The following ARFGAP1 variants were observed in gnomAD, a reference collection of about 807,000 sequenced individuals.
ARFGAP1 encodes the protein ADP-ribosylation factor GTPase-activating protein 1.
ARFGAP1 carries 26 observed loss-of-function variants against 54.0 expected under a neutral mutation model. The observed-to-expected ratio is 0.48, with a 90% CI of 0.35 to 0.67. ARFGAP1 has a LOEUF of 0.67. Ranked by LOEUF, ARFGAP1 falls within the 30% of genes least tolerant of loss-of-function variation. The probability of loss-of-function intolerance (pLI) is 0.00; values close to 1 mark genes in which losing one functional copy is unlikely to be tolerated. For missense variants in ARFGAP1, 525 were observed against 535.8 expected (o/e 0.98, Z 0.20); for synonymous variants, 248 against 211.9 (o/e 1.17, Z -1.48).
Position 63,276,893 on chromosome 20 carries a change from A to T in ARFGAP1, c.342+242A>T, listed in dbSNP as rs1404981127. Among the ~76,000 whole-genome samples, 1 of 152,136 alleles carries T rather than the reference A, an allele frequency of 6.6e-6. No homozygotes were observed. Among genetic ancestry groups the T allele is most frequent in the Admixed American group, 6.5e-5 (1 of 15,286 alleles). Reference sequence around the variant, plus strand: ...GGGGAGAAAGCAGCTGTGACCGTTTATTGCCTCTGTGACATGTTGGGCACA... The same window carrying T: ...GGGGAGAAAGCAGCTGTGACCGTTTTTTGCCTCTGTGACATGTTGGGCACA... On this transcript the variant is annotated intron_variant, in intron 4 of 12. Coordinates refer to ENST00000370283, the MANE Select transcript of ARFGAP1 (RefSeq NM_018209.4). This position sits in a 1 kb window ranked among gnomAD's most constrained non-coding sequence, Gnocchi z 5.2.
At position 63,287,908 on chromosome 20, in the gene ARFGAP1, C is replaced by A; in HGVS notation, c.*35C>A. The A allele has an allele frequency of 6.8e-7, 1 of 1,470,218 alleles. No homozygotes were observed. The highest frequency in any genetic ancestry group is 9.0e-7 in the Non-Finnish European group (1 of 1,110,686). 91.1% of individuals were successfully genotyped at this position (1,470,218 alleles called of 1,614,324 possible). A position where few individuals can be genotyped will look rare whatever the true frequency, so the allele number is the denominator to read the frequency against. On this transcript the variant is annotated 3_prime_UTR_variant, in exon 13 of 13. Transcript: ENST00000370283. The stretch of plus-strand genomic sequence containing the variant: ...CGCCCCCGTCCCCAGCGCCCCCGGG[C>A]GACTTCGTGTTTGCACTCTGCCCTC...
chr20:63,288,602 G>A lies in ARFGAP1; in HGVS notation c.*729G>A. On this transcript the variant is annotated 3_prime_UTR_variant, in exon 13 of 13. Coordinates refer to ENST00000370283, the MANE Select transcript of ARFGAP1 (RefSeq NM_018209.4). Reference sequence around the variant, plus strand: ...CTGGAACACCCTGGAAGAAAAAGGAGCGCAGGGTGGGCCCTCGGCCCTGAT... The same window carrying A: ...CTGGAACACCCTGGAAGAAAAAGGAACGCAGGGTGGGCCCTCGGCCCTGAT... 4.5e-6 allele frequency: 2 copies of A among 441,274 alleles called. No homozygotes were observed. The highest frequency in any genetic ancestry group is 1.6e-5 in the South Asian group (1 of 63,736). 27.3% of individuals were successfully genotyped at this position (441,274 alleles called of 1,614,324 possible). A position where few individuals can be genotyped will look rare whatever the true frequency, so the allele number is the denominator to read the frequency against.
intron 7 of ARFGAP1, 167 bp downstream of exon 7, chr20:63,279,162 T>G: frequency 1.3e-6 from 1 of 745,030 alleles, no homozygotes; most frequent in Non-Finnish European, 2.3e-6. Context: ...AAAATGTGGC[T>G]TAAATTTTTC....
At chr20:63,272,958 G>GCCCCGGCTGCCGCGGCGTCGT (rs1568726594) in intron 1 of ARFGAP1, 38 bp downstream of exon 1, 2 of 152,090 alleles carry the variant, frequency 1.3e-5, no homozygotes, top group Admixed American at 1.3e-4. Context: ...TCGGCCTGAG[G>GCCCCGGCTGCCGCGGCGTCGT]CCCCGGCTGC....
Position 63,288,348 on chromosome 20 carries a change from T to C in ARFGAP1, c.*475T>C, listed in dbSNP as rs1735867082. On this transcript the variant is annotated 3_prime_UTR_variant, in exon 13 of 13. Transcript: ENST00000370283. ...AAGAGAGTGACTGGAGTGGTAAAGATGGAAATGCTGGAAATGATACTGGCG... is the reference window on the plus strand; with the variant it reads ...AAGAGAGTGACTGGAGTGGTAAAGACGGAAATGCTGGAAATGATACTGGCG... 1 of 457,104 alleles carries C rather than the reference T, an allele frequency of 2.2e-6. No homozygotes were observed. The highest frequency in any genetic ancestry group is 2.0e-5 in the African/African-American group (1 of 50,110). 28.3% of individuals were successfully genotyped at this position (457,104 alleles called of 1,614,324 possible). A position where few individuals can be genotyped will look rare whatever the true frequency, so the allele number is the denominator to read the frequency against.
chr20:63,285,735 C>T (rs970232268), intron 11 of ARFGAP1, 22 bp downstream of exon 11: 16 of 1,610,238 alleles, frequency 9.9e-6, no homozygotes, highest in East Asian at 4.5e-5. Context: ...GCCAGATACG[C>T]GGGCACAGTC....
chr20:63,281,420 T>C, intron 8 of ARFGAP1, 73 bp downstream of exon 8: 11 of 1,510,606 alleles, frequency 7.3e-6, no homozygotes, highest in Admixed American at 1.9e-5. Flanking sequence ...GGCCTGGGGT[T>C]CTGGGAGCTG....
chr20:63,276,196 C>T lies in ARFGAP1; in HGVS notation c.166C>T (p.Leu56Phe), dbSNP rs2067233141. 6.2e-7 allele frequency: 1 copy of T among 1,613,584 alleles called. No individual in the cohort carries two copies. The highest frequency in any genetic ancestry group is 8.5e-7 in the Non-Finnish European group (1 of 1,179,988). The change falls in exon 3 of 13, where the codon CTC (leucine) becomes TTC (phenylalanine). Residue 56 changes from leucine to phenylalanine, a missense_variant. Leu to Phe is a conservative substitution (Grantham distance 22, BLOSUM62 0). Transcript: ENST00000370283. This position sits in a 1 kb window ranked among gnomAD's most constrained non-coding sequence, Gnocchi z 5.2. ...SGRHRGLGVHLSFVRSVTMDK... is the reference protein window; with the variant it reads ...SGRHRGLGVHFSFVRSVTMDK... ...GAGACACCGCGGGCTTGGGGTTCAC[C>T]TCAGGTCAGTGTCCTGCCGCTCTGG...
intron 10 of ARFGAP1, 106 bp from the exon 11 acceptor site, chr20:63,285,548 G>A (rs1349351379): frequency 1.7e-6 from 2 of 1,185,004 alleles, no homozygotes; most frequent in African/African-American, 1.5e-5. Flanking sequence ...GTATCCACAT[G>A]CCCCTGATAT....
chr20:63,287,613 A>G lies in ARFGAP1; in HGVS notation c.961A>G (p.Asn321Asp), dbSNP rs1278502855. Reference sequence around the variant, plus strand: ...GAACAGCGGTCTGGACCACTTCCAAAACAGCAACATAGACCAGAGCTTCTG... The same window carrying G: ...GAACAGCGGTCTGGACCACTTCCAAGACAGCAACATAGACCAGAGCTTCTG... ...YQNSGLDHFQNSNIDQSFWET... is the reference protein window; with the variant it reads ...YQNSGLDHFQDSNIDQSFWET... The change falls in exon 13 of 13, where the codon AAC becomes GAC. Residue 321 changes from asparagine (N) to aspartate (D), a missense_variant. Physicochemically the swap from Asn to Asp is conservative, Grantham distance 23. Around this residue, in one of 3 missense-constraint regions of ARFGAP1, gnomAD observed 466 missense variants for 453.6 expected, o/e 1.03. Coordinates refer to ENST00000370283, the MANE Select transcript of ARFGAP1 (RefSeq NM_018209.4). 14 of 1,611,324 alleles carry G rather than the reference A, an allele frequency of 8.7e-6. No individual in the cohort carries two copies. The highest frequency in any genetic ancestry group is 1.1e-5 in the South Asian group (1 of 91,058).
chr20:63,285,554 G>C, intron 10 of ARFGAP1, 100 bp from the exon 11 acceptor site: 2 of 1,272,816 alleles, frequency 1.6e-6, no homozygotes, highest in Middle Eastern at 1.9e-4. Context: ...ACATGCCCCT[G>C]ATATTTCGGA....
chr20:63,285,872 C>T (rs1222151610), intron 11 of ARFGAP1, 159 bp downstream of exon 11: 31 of 1,425,794 alleles, frequency 2.2e-5, no homozygotes, highest in Admixed American at 1.9e-4. Flanking sequence ...CCTGACAGCC[C>T]GAGGGATATG....
At chr20:63,286,530 C>A in intron 12 of ARFGAP1, 88 bp downstream of exon 12, 1 of 1,353,858 alleles carries the variant, frequency 7.4e-7, no homozygotes, top group South Asian at 1.3e-5. Flanking sequence ...GGCTGGCATC[C>A]TTGCTGGGGA....
chr20:63,284,741 G>A (rs1331721060), intron 9 of ARFGAP1, 125 bp from the exon 10 acceptor site: 3 of 1,521,046 alleles, frequency 2.0e-6, no homozygotes, highest in African/African-American at 2.7e-5. Flanking sequence ...CCCTGCGCTT[G>A]TATCCTGCTG....
intron 9 of ARFGAP1, chr20:63,284,503 G>C: frequency 8.8e-7 from 1 of 1,132,266 alleles, no homozygotes; most frequent in Non-Finnish European, 1.1e-6. Context: ...AGGAAGGAGA[G>C]GCGTTGCAGG....
intron 5 of ARFGAP1, among the ~76,000 whole-genome samples, 180 bp from the exon 6 acceptor site, chr20:63,277,937 G>A (rs952383106): frequency 6.6e-6 from 1 of 152,322 alleles, no homozygotes; most frequent in African/African-American, 2.4e-5. Context: ...GGCATTGCTG[G>A]GGTTTCAGCA....
Position 63,276,433 on chromosome 20 carries a change from T to TGGGTGTCCCC in ARFGAP1, c.171-44_171-35dup, listed in dbSNP as rs1196613081. The stretch of plus-strand genomic sequence containing the variant: ...GACGATGCTGGGTGGAGGGTGTCCC[T>TGGGTGTCCCC]GGGTGTCCCCGGTGCTGGTTGATCT... On this transcript the variant is annotated intron_variant, in intron 3 of 12. Transcript: ENST00000370283. The surrounding 1 kb of genome is among the most constrained non-coding windows in gnomAD (Gnocchi z 5.2). The TGGGTGTCCCC allele has an allele frequency of 5.1e-6, 8 of 1,578,850 alleles. No individual in the cohort carries two copies. The highest frequency in any genetic ancestry group is 1.7e-4 in the Middle Eastern group (1 of 5,758).
chr20:63,278,770 A>G (rs1163415646), intron 6 of ARFGAP1, 129 bp from the exon 7 acceptor site: 7 of 692,952 alleles, frequency 1.0e-5, no homozygotes, highest in Non-Finnish European at 5.0e-6. Context: ...GGCAGCGTGC[A>G]TGTCCTGTGC....
At chr20:63,282,051 C>G (rs954552089) in intron 8 of ARFGAP1, among the ~76,000 whole-genome samples, 8 of 152,074 alleles carry the variant, frequency 5.3e-5, no homozygotes, top group African/African-American at 1.9e-4. Context: ...TCACAGCGCT[C>G]ACCTGTCACA....
Sources: gnomAD v4.1 joint callset for allele counts (sites outside exome capture counted in the v4.1 genomes callset) on GRCh38, gnomAD v4.1.1 for gene constraint, gnomAD v4.1.1 regional missense constraint, Gnocchi (gnomAD v3.1) non-coding constraint, MANE v1.5 for transcripts, NCBI Gene and HGNC (gene_info 2026-07-23, HGNC 2026-07-21) for gene names.